The following SEMA5A variants were observed in gnomAD, a reference collection of about 807,000 sequenced individuals.
The protein encoded by SEMA5A is semaphorin 5A.
Under a neutral mutation model 135.5 loss-of-function variants are expected in SEMA5A, and 55 were observed. The ratio of observed to expected loss-of-function variants is 0.41; its 90% CI spans 0.33 to 0.51. The LOEUF is 0.51. Ranked by LOEUF, SEMA5A falls within the 20% of genes least tolerant of loss-of-function variation. The probability of loss-of-function intolerance (pLI) is 0.37; values close to 1 mark genes in which losing one functional copy is unlikely to be tolerated. For synonymous variants in SEMA5A, 580 were observed against 546.5 expected, an observed-to-expected ratio of 1.06 and a Z score of -0.85; for missense variants, 1,290 against 1,419.9, an observed-to-expected ratio of 0.91 and a Z score of 1.47.
At chr5:9,109,028 ATTTTTTTTTTTTTTTTT>A (rs67762219) in intron 15 of SEMA5A, among the ~76,000 whole-genome samples, 1 of 92,440 alleles carries the variant, frequency 1.1e-5, no homozygotes, top group Admixed American at 1.3e-4. Flanking sequence ...TTTCTCTTCA[ATTTTTTTTTTTTTTTTT>A]TTTTTTTTTT....
chr5:9,529,581 T>C (rs1737331202), intron 1 of SEMA5A, among the ~76,000 whole-genome samples: 1 of 152,238 alleles, frequency 6.6e-6, no homozygotes, highest in Non-Finnish European at 1.5e-5. Flanking sequence ...GACATTGACC[T>C]ATAGGCCTCT....
chr5:9,514,616 T>C (rs1377109118), intron 1 of SEMA5A, among the ~76,000 whole-genome samples: 1 of 152,156 alleles, frequency 6.6e-6, no homozygotes, highest in Non-Finnish European at 1.5e-5. Flanking sequence ...TAATACAATA[T>C]AAATGCTAAG....
At chr5:9,429,672 A>G (rs954719371) in intron 2 of SEMA5A, among the ~76,000 whole-genome samples, 5 of 152,248 alleles carry the variant, frequency 3.3e-5, no homozygotes, top group African/African-American at 9.6e-5. Flanking sequence ...AGCAATCTTC[A>G]GGGATCTTCA....
At chr5:9,109,742 CA>C (rs1323905258) in intron 15 of SEMA5A, among the ~76,000 whole-genome samples, 7 of 152,152 alleles carry the variant, frequency 4.6e-5, no homozygotes, top group African/African-American at 1.7e-4. Context: ...CAGGTATTCA[CA>C]GTCGAAAATA....
Position 9,545,202 on chromosome 5 carries a change from C to A in SEMA5A, c.-175+382G>T, listed in dbSNP as rs1738317968. ...ACCTCCGTGTCCCCTGCCCCCGGCT[C>A]GCGGCAGTGCGAGCCTGGAGGCGCG... On this transcript the variant is annotated intron_variant, in intron 1 of 22. Transcript: ENST00000382496. This position sits in a 1 kb window ranked among gnomAD's most constrained non-coding sequence, Gnocchi z 4.5. Among the ~76,000 whole-genome samples the A allele has an allele frequency of 6.6e-6, 1 of 152,062 alleles. No homozygotes were observed. The highest frequency in any genetic ancestry group is 1.5e-5 in the Non-Finnish European group (1 of 68,008).
At chr5:9,410,233 AAAAAT>A (rs1387179094) in intron 2 of SEMA5A, among the ~76,000 whole-genome samples, 1 of 152,226 alleles carries the variant, frequency 6.6e-6, no homozygotes, top group African/African-American at 2.4e-5. Context: ...TTAAGAAAGT[AAAAAT>A]TAAATATAAC....
At chr5:9,423,953 C>T (rs2126637827) in intron 2 of SEMA5A, among the ~76,000 whole-genome samples, 1 of 152,342 alleles carries the variant, frequency 6.6e-6, no homozygotes, top group East Asian at 1.9e-4. Flanking sequence ...AAACTTTTCC[C>T]TAGCCCAAGG....
At chr5:9,186,537 T>C (rs1055845708) in intron 11 of SEMA5A, among the ~76,000 whole-genome samples, 1 of 152,204 alleles carries the variant, frequency 6.6e-6, no homozygotes, top group African/African-American at 2.4e-5. Context: ...GGAAGGACTC[T>C]AGCTTCACAT....
At chr5:9,101,721 T>C (rs1479974788) in intron 16 of SEMA5A, among the ~76,000 whole-genome samples, 4 of 152,176 alleles carry the variant, frequency 2.6e-5, no homozygotes, top group African/African-American at 4.8e-5. Flanking sequence ...CATCAATAAG[T>C]AAGCCATACA....
intron 12 of SEMA5A, among the ~76,000 whole-genome samples, chr5:9,138,895 T>C (rs1365362946): frequency 6.6e-6 from 1 of 152,252 alleles, no homozygotes; most frequent in Non-Finnish European, 1.5e-5. Context: ...CTTAGAATAA[T>C]AGTCTCCAAT....
rs575308444 is a variant in SEMA5A, at chr5:9,120,609, T to A, written c.1782-1468A>T. Among the ~76,000 whole-genome samples the A allele has an allele frequency of 2.0e-5, 3 of 152,302 alleles. No homozygotes were observed. The East Asian group carries it at 5.8e-4, about 29-fold the overall frequency. On this transcript the variant is annotated intron_variant, in intron 14 of 22. Coordinates refer to ENST00000382496, the MANE Select transcript of SEMA5A (RefSeq NM_003966.3). ...CCTAAAATCTTAAAAATTATCCATG[T>A]TATTCACTGAATTATATTTAAAAAT...
intron 1 of SEMA5A, among the ~76,000 whole-genome samples, chr5:9,468,223 G>A (rs1295883528): frequency 6.6e-6 from 1 of 152,096 alleles, no homozygotes; most frequent in Non-Finnish European, 1.5e-5. Flanking sequence ...TTTTCTTGTT[G>A]CAGCTTTAAT....
At chr5:9,289,809 C>T (rs1750989505) in intron 5 of SEMA5A, among the ~76,000 whole-genome samples, 1 of 152,070 alleles carries the variant, frequency 6.6e-6, no homozygotes, top group Non-Finnish European at 1.5e-5. Flanking sequence ...ATGTCAATAT[C>T]TTGTGCTCAA....
At chr5:9,317,014 G>A (rs568091733) in intron 5 of SEMA5A, among the ~76,000 whole-genome samples, 3 of 152,208 alleles carry the variant, frequency 2.0e-5, no homozygotes, top group Admixed American at 1.3e-4. Context: ...CTAAGAGTTT[G>A]TCTTTTTAGA....
chr5:9,233,612 G>A (rs1288993135), intron 6 of SEMA5A, among the ~76,000 whole-genome samples: 1 of 152,048 alleles, frequency 6.6e-6, no homozygotes, highest in Non-Finnish European at 1.5e-5. Flanking sequence ...TTCAAACCTG[G>A]CCCAAATAAA....
At chr5:9,377,897 A>C (rs1000587131) in intron 3 of SEMA5A, among the ~76,000 whole-genome samples, 1 of 152,166 alleles carries the variant, frequency 6.6e-6, no homozygotes, top group Admixed American at 6.5e-5. Context: ...GGAAATAAGT[A>C]AAAGGAATAG....
intron 1 of SEMA5A, among the ~76,000 whole-genome samples, chr5:9,526,854 G>A (rs1737151258): frequency 6.6e-6 from 1 of 152,166 alleles, no homozygotes; most frequent in Non-Finnish European, 1.5e-5. Flanking sequence ...ATAAGACAAT[G>A]CATCTACATA....
intron 6 of SEMA5A, among the ~76,000 whole-genome samples, chr5:9,234,049 C>A (rs1747778555): frequency 6.6e-6 from 1 of 152,176 alleles, no homozygotes; most frequent in Non-Finnish European, 1.5e-5. Flanking sequence ...AACTTCAGCA[C>A]AAGCAAAACT....
chr5:9,448,826 C>G (rs1347130369), intron 1 of SEMA5A, among the ~76,000 whole-genome samples: 2 of 152,186 alleles, frequency 1.3e-5, no homozygotes, highest in Admixed American at 1.3e-4. Flanking sequence ...GTGATGCTGG[C>G]TTTTCTGTTT....
Sources: gnomAD v4.1 joint callset for allele counts (sites outside exome capture counted in the v4.1 genomes callset) on GRCh38, gnomAD v4.1.1 for gene constraint, Gnocchi (gnomAD v3.1) non-coding constraint, MANE v1.5 for transcripts, NCBI Gene and HGNC (gene_info 2026-07-23, HGNC 2026-07-21) for gene names.